The following OR9Q1 variants were observed in gnomAD, a reference collection of about 807,000 sequenced individuals.
The protein encoded by OR9Q1 is olfactory receptor 9Q1.
For missense variants in OR9Q1, 374 were observed against 378.8 expected (o/e 0.99, Z 0.11); for synonymous variants, 153 against 148.6 (o/e 1.03, Z -0.22).
chr11:58,108,327 T>C lies in OR9Q1; in HGVS notation c.-15+52380T>C, dbSNP rs1014583288. ...CTACAAAGAGTAAAGTCAGTGTCAA[T>C]GAGCACAGTAACAGAAGAATAAGTA... On this transcript the variant is annotated intron_variant, in intron 2 of 2. Transcript: ENST00000335397. Among the ~76,000 whole-genome samples the C allele has an allele frequency of 3.9e-5, 6 of 152,128 alleles. No individual in the cohort carries two copies. In the South Asian group the frequency reaches 8.3e-4, roughly 21 times the overall value.
intron 2 of OR9Q1, among the ~76,000 whole-genome samples, chr11:58,144,293 C>T (rs1854278936): frequency 1.3e-5 from 2 of 150,024 alleles, no homozygotes; most frequent in African/African-American, 2.5e-5. Flanking sequence ...GTTTTTTGTC[C>T]TTGCGATAGT....
intron 2 of OR9Q1, among the ~76,000 whole-genome samples, chr11:58,087,619 A>G (rs1201461574): frequency 6.6e-6 from 1 of 151,916 alleles, no homozygotes; most frequent in Non-Finnish European, 1.5e-5. Flanking sequence ...ACATAGGTAT[A>G]TATGTGCCAT....
At chr11:58,037,722 T>G (rs1853121646) in intron 1 of OR9Q1, among the ~76,000 whole-genome samples, 2 of 42,454 alleles carry the variant, frequency 4.7e-5, no homozygotes, top group African/African-American at 9.9e-5. Flanking sequence ...TTTTTTTTTT[T>G]TTTTTTTTTT....
chr11:58,111,814 T>C (rs1385745582), intron 2 of OR9Q1, among the ~76,000 whole-genome samples: 1 of 152,114 alleles, frequency 6.6e-6, no homozygotes, highest in Non-Finnish European at 1.5e-5. Context: ...CAATCTACTA[T>C]CCTATTCTAT....
At chr11:58,086,969 A>G (rs1325461021) in intron 2 of OR9Q1, among the ~76,000 whole-genome samples, 1 of 151,868 alleles carries the variant, frequency 6.6e-6, no homozygotes, top group Non-Finnish European at 1.5e-5. Context: ...AATGCATCAT[A>G]GATTTCAAAA....
intron 2 of OR9Q1, among the ~76,000 whole-genome samples, chr11:58,103,890 T>C (rs1379670222): frequency 6.6e-6 from 1 of 152,170 alleles, no homozygotes; most frequent in Non-Finnish European, 1.5e-5. Context: ...AGTGTCTCAG[T>C]GGGTTAGACT....
chr11:58,143,418 C>T (rs1399385330), intron 2 of OR9Q1, among the ~76,000 whole-genome samples: 1 of 152,082 alleles, frequency 6.6e-6, no homozygotes, highest in Non-Finnish European at 1.5e-5. Flanking sequence ...TTTTTTCCTC[C>T]ACAGGAGGCT....
At chr11:58,041,964 C>T (rs1433521917) in intron 1 of OR9Q1, among the ~76,000 whole-genome samples, 1 of 152,198 alleles carries the variant, frequency 6.6e-6, no homozygotes, top group Non-Finnish European at 1.5e-5. Flanking sequence ...TCTAGGATCC[C>T]TTTAAATTGA....
intron 2 of OR9Q1, chr11:58,077,859 C>G (rs1049001502): frequency 6.6e-6 from 1 of 152,100 alleles, no homozygotes; most frequent in East Asian, 1.9e-4. Flanking sequence ...CGTTCACCAT[C>G]AAAACCCAGC....
chr11:58,128,363 G>T (rs1476609657), intron 2 of OR9Q1, among the ~76,000 whole-genome samples: 1 of 151,604 alleles, frequency 6.6e-6, no homozygotes, highest in African/African-American at 2.4e-5. Flanking sequence ...TGTAAGAATT[G>T]GTAGATACAT....
chr11:58,151,763 C>A (rs971683482), intron 2 of OR9Q1, among the ~76,000 whole-genome samples: 5 of 148,440 alleles, frequency 3.4e-5, no homozygotes, highest in African/African-American at 1.3e-4. Flanking sequence ...TCTTAGTTTT[C>A]GGCCCCCAGA....
rs116505967 is a variant in OR9Q1, at chr11:58,116,457, T to C, written c.-15+60510T>C. On this transcript the variant is annotated intron_variant, in intron 2 of 2. Coordinates refer to ENST00000335397, the MANE Select transcript of OR9Q1 (RefSeq NM_001005212.4). ...TTGTTTTATAAAGTTGTTAAACCCATTTATACTACTCATTTTTCATATCCT... is the reference window on the plus strand; with the variant it reads ...TTGTTTTATAAAGTTGTTAAACCCACTTATACTACTCATTTTTCATATCCT... Among the ~76,000 whole-genome samples, 1,016 of 152,318 alleles carry C rather than the reference T, an allele frequency of 6.7e-3. 7 individuals carry two copies. The highest frequency in any genetic ancestry group is 0.024 in the African/African-American group (982 of 41,570).
chr11:58,095,622 C>G (rs1048795953), intron 2 of OR9Q1, among the ~76,000 whole-genome samples: 1 of 151,984 alleles, frequency 6.6e-6, no homozygotes, highest in East Asian at 1.9e-4. Flanking sequence ...GGGAGAAACC[C>G]CTTATAAAAC....
At chr11:58,129,873 AT>A (rs1042644290) in intron 2 of OR9Q1, among the ~76,000 whole-genome samples, 1 of 150,348 alleles carries the variant, frequency 6.7e-6, no homozygotes, top group African/African-American at 2.5e-5. Context: ...TTTTCAAATT[AT>A]TTTTTGCTTA....
chr11:58,042,044 C>T (rs188348324), intron 1 of OR9Q1, among the ~76,000 whole-genome samples: 8 of 152,288 alleles, frequency 5.3e-5, no homozygotes, highest in South Asian at 2.1e-4. Flanking sequence ...CAGGCATCAG[C>T]CAATTTAGTT....
Position 58,148,303 on chromosome 11 carries a change from A to AGT in OR9Q1, c.-14-31123_-14-31122dup, listed in dbSNP as rs201847535. Among the ~76,000 whole-genome samples, 1,426 of 151,606 alleles carry AGT rather than the reference A, an allele frequency of 9.4e-3. 18 individuals are homozygous for AGT. Among genetic ancestry groups the AGT allele is most frequent in the African/African-American group, 0.033 (1,350 of 40,970 alleles). ...CACGTAATCTAGGGCCTTTGGCAGA[A>AGT]GTGTGTATATATATATATATTTACT... On this transcript the variant is annotated intron_variant, in intron 2 of 2. Transcript: ENST00000335397.
At chr11:58,100,991 T>A (rs1290745064) in intron 2 of OR9Q1, among the ~76,000 whole-genome samples, 1 of 152,080 alleles carries the variant, frequency 6.6e-6, no homozygotes, top group Non-Finnish European at 1.5e-5. Context: ...GTGAGTTGAA[T>A]GGTGGTGGTT....
At chr11:58,031,536 A>G in intron 1 of OR9Q1, 1 of 1,614,032 alleles carries the variant, frequency 6.2e-7, no homozygotes, top group African/African-American at 1.3e-5. Flanking sequence ...TCGTGCTCAG[A>G]TGTCACTTGG....
At chr11:58,056,723 A>T (rs1018020241) in intron 2 of OR9Q1, among the ~76,000 whole-genome samples, 1 of 152,094 alleles carries the variant, frequency 6.6e-6, no homozygotes, top group African/African-American at 2.4e-5. Context: ...TTGACCCCTT[A>T]TCTAGTCCAT....
Sources: allele counts gnomAD v4.1 joint callset (sites outside exome capture counted in the v4.1 genomes callset), GRCh38; gene constraint gnomAD v4.1.1; transcripts MANE v1.5; gene names NCBI Gene and HGNC (gene_info 2026-07-23, HGNC 2026-07-21).